PTPRE: variants seen among roughly 807,000 people sequenced by gnomAD.
The protein encoded by PTPRE is receptor-type tyrosine-protein phosphatase epsilon.
PTPRE carries 51 observed loss-of-function variants against 102.0 expected under a neutral mutation model. The observed-to-expected ratio is 0.50, with a 90% CI of 0.40 to 0.63. PTPRE has a LOEUF of 0.63. PTPRE is among the 30% of genes least tolerant of loss of function. The probability of loss-of-function intolerance (pLI) is 0.00; values close to 1 mark genes in which losing one functional copy is unlikely to be tolerated. For synonymous variants in PTPRE, 345 were observed against 348.2 expected (o/e 0.99, Z 0.10); for missense variants, 752 against 915.1 (o/e 0.82, Z 2.30).
At chr10:128,063,332 T>A in intron 10 of PTPRE, 152 bp downstream of exon 10, 1 of 1,392,702 alleles carries the variant, frequency 7.2e-7, no homozygotes, top group Non-Finnish European at 9.5e-7. Flanking sequence ...GCTTACAGCA[T>A]TTTCTTCACG....
chr10:127,966,721 GC>G (rs1165976575), intron 1 of PTPRE, among the ~76,000 whole-genome samples: 1 of 152,154 alleles, frequency 6.6e-6, no homozygotes, highest in African/African-American at 2.4e-5. Flanking sequence ...TGAGGTAACT[GC>G]CCAGGCTGCT....
intron 7 of PTPRE, among the ~76,000 whole-genome samples, chr10:128,060,033 A>G (rs1266604970): frequency 6.7e-6 from 1 of 150,304 alleles, no homozygotes; most frequent in East Asian, 2.0e-4. Flanking sequence ...CCACACAAAC[A>G]TATCACACAC....
intron 1 of PTPRE, among the ~76,000 whole-genome samples, chr10:127,948,973 C>T (rs1413335368): frequency 6.6e-6 from 1 of 152,250 alleles, no homozygotes; most frequent in African/African-American, 2.4e-5. Context: ...CTGTGTCGAT[C>T]TGTCTGCTGG....
intron 1 of PTPRE, among the ~76,000 whole-genome samples, chr10:127,968,047 T>TGTCC (rs56230307): frequency 6.7e-6 from 1 of 150,300 alleles, no homozygotes; most frequent in Non-Finnish European, 1.5e-5. Flanking sequence ...TGTGTGTGTG[T>TGTCC]CCCTGGATAT....
At chr10:128,044,324 G>A (rs1204007139) in intron 3 of PTPRE, among the ~76,000 whole-genome samples, 1 of 152,164 alleles carries the variant, frequency 6.6e-6, no homozygotes, top group Admixed American at 6.5e-5. Context: ...AGGTGGGAGA[G>A]GAAAAGAGGG....
At chr10:128,023,113 G>C (rs955606657) in intron 2 of PTPRE, among the ~76,000 whole-genome samples, 108 of 152,180 alleles carry the variant, frequency 7.1e-4, no homozygotes, top group African/African-American at 2.4e-3. Context: ...GTTTGAGAGA[G>C]AAGAGAGAGA....
At chr10:128,039,601 T>A (rs1847502282) in intron 2 of PTPRE, among the ~76,000 whole-genome samples, 1 of 152,212 alleles carries the variant, frequency 6.6e-6, no homozygotes, top group South Asian at 2.1e-4. Context: ...ACAATTAGGA[T>A]TTTTCATGCT....
Position 128,083,120 on chromosome 10 carries a change from A to C in PTPRE, c.*214A>C. ...TTAAGGTCAAATAATATCCCATAAA[A>C]TATATATTTCTGCTAATATTAGTAA... is the stretch of plus-strand genomic sequence containing the variant. On this transcript the variant is annotated 3_prime_UTR_variant, in exon 21 of 21. Coordinates refer to ENST00000254667, the MANE Select transcript of PTPRE (RefSeq NM_006504.6). 3.0e-6 allele frequency: 1 copy of C among 336,598 alleles called. No individual in the cohort carries two copies. The highest frequency in any genetic ancestry group is 5.2e-6 in the Non-Finnish European group (1 of 190,874). The allele number at this position is 336,598 out of a possible 1,614,324, so 20.9% of individuals were successfully genotyped here.
At chr10:127,940,156 A>G (rs953366880) in intron 1 of PTPRE, among the ~76,000 whole-genome samples, 3 of 152,082 alleles carry the variant, frequency 2.0e-5, no homozygotes, top group Non-Finnish European at 2.9e-5. Flanking sequence ...AGAGGATGCC[A>G]GCTGCCTGAG....
At chr10:127,934,184 C>A (rs944501844) in intron 1 of PTPRE, 7 of 151,766 alleles carry the variant, frequency 4.6e-5, no homozygotes, top group Admixed American at 3.9e-4. Flanking sequence ...TCCCTTTTTT[C>A]TTTGCACTAT....
At chr10:127,927,247 C>T (rs534610507) in intron 1 of PTPRE, among the ~76,000 whole-genome samples, 2 of 152,066 alleles carry the variant, frequency 1.3e-5, no homozygotes, top group Non-Finnish European at 2.9e-5. Flanking sequence ...TGAACAGTAG[C>T]GTATTTCTCC....
chr10:127,922,329 G>A (rs527369531), intron 1 of PTPRE, among the ~76,000 whole-genome samples: 23 of 152,224 alleles, frequency 1.5e-4, no homozygotes, highest in East Asian at 9.6e-4. Context: ...ATTCTTTGCC[G>A]CCGGACACCT....
At chr10:127,917,008 T>C (rs577621496) in intron 1 of PTPRE, among the ~76,000 whole-genome samples, 9 of 152,028 alleles carry the variant, frequency 5.9e-5, no homozygotes, top group African/African-American at 2.2e-4. Context: ...AGCTGTGAGT[T>C]TGAGAAGGGG....
chr10:127,925,305 T>C (rs1288941930), intron 1 of PTPRE, among the ~76,000 whole-genome samples: 1 of 152,234 alleles, frequency 6.6e-6, no homozygotes, highest in Admixed American at 6.5e-5. Flanking sequence ...TTCTGCTGTT[T>C]CTTTGACATC....
At chr10:128,056,267 C>T (rs1375467526) in intron 7 of PTPRE, 54 bp downstream of exon 7, 2 of 1,471,504 alleles carry the variant, frequency 1.4e-6, no homozygotes, top group Non-Finnish European at 1.9e-6. Flanking sequence ...CTAAACTCAG[C>T]TTTGCCTTGC....
chr10:127,971,411 TG>T (rs1850720289), intron 1 of PTPRE, among the ~76,000 whole-genome samples: 1 of 152,116 alleles, frequency 6.6e-6, no homozygotes, highest in Non-Finnish European at 1.5e-5. Flanking sequence ...TTTCCTCCTC[TG>T]GAAGGCAGGG....
At chr10:128,052,283 G>A (rs1848621137) in intron 6 of PTPRE, among the ~76,000 whole-genome samples, 1 of 152,134 alleles carries the variant, frequency 6.6e-6, no homozygotes, top group Non-Finnish European at 1.5e-5. Context: ...GGAGACACCA[G>A]AGTCTCAAAG....
At chr10:128,053,380 G>T (rs969646854) in intron 6 of PTPRE, among the ~76,000 whole-genome samples, 4 of 152,196 alleles carry the variant, frequency 2.6e-5, no homozygotes, top group Non-Finnish European at 5.9e-5. Context: ...CAGTTACTAT[G>T]AGCAAGCCCC....
At chr10:127,958,109 G>T (rs781345913) in intron 1 of PTPRE, among the ~76,000 whole-genome samples, 33 of 151,780 alleles carry the variant, frequency 2.2e-4, no homozygotes, top group Non-Finnish European at 3.4e-4. Context: ...ATTCTTCCAG[G>T]TTTGTTACAT....
Sources: allele counts gnomAD v4.1 joint callset (sites outside exome capture counted in the v4.1 genomes callset), GRCh38; gene constraint gnomAD v4.1.1; transcripts MANE v1.5; gene names NCBI Gene and HGNC (gene_info 2026-07-23, HGNC 2026-07-21).